Variants in WDR55 observed in about 807,000 individuals in gnomAD.
WDR55 encodes WD repeat domain 55.
WDR55 carries 31 observed loss-of-function variants against 34.0 expected under a neutral mutation model. That is an observed-to-expected ratio of 0.91 (90% CI 0.69 to 1.23). The LOEUF is 1.23. Among genes scored for constraint, WDR55 ranks in the 50% most tolerant of loss-of-function variants. WDR55 has a pLI of 0.00. For synonymous variants in WDR55, 164 were observed against 185.9 expected (o/e 0.88, Z 0.96); for missense variants, 440 against 494.6 (o/e 0.89, Z 1.05).
chr5:140,671,413 C>T lies in WDR55; in HGVS notation c.*1759C>T. 6.2e-7 allele frequency: 1 copy of T among 1,612,320 alleles called. No homozygotes were observed. The highest frequency in any genetic ancestry group is 1.3e-5 in the African/African-American group (1 of 75,026). On this transcript the variant is annotated 3_prime_UTR_variant, in exon 7 of 7. Coordinates refer to ENST00000358337, the MANE Select transcript of WDR55 (RefSeq NM_017706.5). ...CATCCTTGGCCACCTCATGCCCATC[C>T]CGGCCATCTAGGGTCAGCACAACCC...
chr5:140,669,507 C>T lies in WDR55; in HGVS notation c.1005C>T (p.Tyr335=). The T allele has an allele frequency of 6.2e-7, 1 of 1,614,050 alleles. No individual in the cohort carries two copies. The highest frequency in any genetic ancestry group is 1.1e-5 in the South Asian group (1 of 91,072). Residue 335 remains tyrosine, a synonymous_variant, in exon 7 of 7, where the codon TAC becomes TAT. Transcript: ENST00000358337. The stretch of plus-strand genomic sequence containing the variant: ...TGCGAGCTGTGGTGGTGGATGACTA[C>T]CGTCGGCGCAAAAAAAAGGGAGGAC... ...AQLRAVVVDD[Y]RRRKKKGGPL... is the part of the protein sequence containing the mutation.
Position 140,668,346 on chromosome 5 carries a change from G to A in WDR55, c.292+12G>A. Reference sequence around the variant, plus strand: ...TGAAGATGGGCAGAGTGAGTACTGGGGAAGACAACCAGCAATGTGGTGGAA... The same window carrying A: ...TGAAGATGGGCAGAGTGAGTACTGGAGAAGACAACCAGCAATGTGGTGGAA... On this transcript the variant is annotated intron_variant, in intron 2 of 6. Coordinates refer to ENST00000358337, the MANE Select transcript of WDR55 (RefSeq NM_017706.5). 6.2e-7 allele frequency: 1 copy of A among 1,614,218 alleles called. No individual in the cohort carries two copies.
chr5:140,665,239 C>CT (rs1757890792), intron 1 of WDR55, 136 bp downstream of exon 1: 1 of 730,202 alleles, frequency 1.4e-6, no homozygotes, highest in African/African-American at 1.8e-5. Context: ...CAGTAACATT[C>CT]GGCTCTTCTA....
In WDR55 at chr5:140,669,006, G is replaced by A. The variant is rs772018479; in HGVS notation, c.660+16G>A. ...TCTCATGAAAGTACAGCTGGTTATGGTGGGATGGAGGGGTGTGTGCTGGGG... is the reference window on the plus strand; with the variant it reads ...TCTCATGAAAGTACAGCTGGTTATGATGGGATGGAGGGGTGTGTGCTGGGG... On this transcript the variant is annotated intron_variant, in intron 5 of 6. Transcript: ENST00000358337. 7 of 1,614,206 alleles carry A rather than the reference G, an allele frequency of 4.3e-6. No homozygotes were observed. The highest frequency in any genetic ancestry group is 5.9e-6 in the Non-Finnish European group (7 of 1,180,028).
chr5:140,671,886 A>T lies in WDR55; in HGVS notation c.*2232A>T. 1 of 967,840 alleles carries T rather than the reference A, an allele frequency of 1.0e-6. No individual in the cohort carries two copies. Among genetic ancestry groups the T allele is most frequent in the South Asian group, 1.4e-5 (1 of 70,664 alleles). The allele number at this position is 967,840 out of a possible 1,614,324, so 60.0% of individuals were successfully genotyped here. The stretch of plus-strand genomic sequence containing the variant: ...TGGTAGTGTGACCATGGGTAAGAAA[A>T]GACAATGAAGCCTTCAGCCTCCATT... On this transcript the variant is annotated 3_prime_UTR_variant, in exon 7 of 7. Transcript: ENST00000358337.
rs991868205 is a variant in WDR55, at chr5:140,666,598, T to TA, written c.191+1497dup. On this transcript the variant is annotated intron_variant, in intron 1 of 6. Transcript: ENST00000358337. ...CTTTCCCTTAATAATGAATGGTTGG[T>TA]AACCATATGTCCATTTGTGTAATTA... 8 of 985,014 alleles carry TA rather than the reference T, an allele frequency of 8.1e-6. No individual in the cohort carries two copies. In the African/African-American group the frequency reaches 1.0e-4, roughly 13 times the overall value. The allele number at this position is 985,014 out of a possible 1,614,324, so 61.0% of individuals were successfully genotyped here. A position where few individuals can be genotyped will look rare whatever the true frequency, so the allele number is the denominator to read the frequency against.
chr5:140,668,169 G>C, intron 1 of WDR55, 65 bp from the exon 2 acceptor site: 1 of 1,510,476 alleles, frequency 6.6e-7, no homozygotes, highest in Non-Finnish European at 8.9e-7. Flanking sequence ...TGTCTAGTTG[G>C]TCTCTGCACT....
Position 140,669,234 on chromosome 5 carries a change from T to G in WDR55, c.816T>G (p.Thr272=). The G allele has an allele frequency of 1.9e-6, 3 of 1,613,502 alleles. No individual in the cohort carries two copies. Among genetic ancestry groups the G allele is most frequent in the Non-Finnish European group, 2.5e-6 (3 of 1,179,992 alleles). ...AGAGTCTGCTGTGTACTGGCTCCACTGATGGAGTCATCAGGTGAGGGAAGC... is the reference window on the plus strand; with the variant it reads ...AGAGTCTGCTGTGTACTGGCTCCACGGATGGAGTCATCAGGTGAGGGAAGC... ...VTESLLCTGS[T]DGVIRAVNIL... Residue 272 remains threonine, a synonymous_variant, in exon 6 of 7, where the codon ACT becomes ACG. Coordinates refer to ENST00000358337, the MANE Select transcript of WDR55 (RefSeq NM_017706.5).
Position 140,668,741 on chromosome 5 carries a change from C to T in WDR55, c.510C>T (p.Tyr170=). 6.2e-7 allele frequency: 1 copy of T among 1,614,178 alleles called. No individual in the cohort carries two copies. Among genetic ancestry groups the T allele is most frequent in the Non-Finnish European group, 8.5e-7 (1 of 1,180,030 alleles). The change falls in exon 4 of 7, where the codon TAC becomes TAT. Residue 170 remains tyrosine (Y), a synonymous_variant. Coordinates refer to ENST00000358337, the MANE Select transcript of WDR55 (RefSeq NM_017706.5). ...TGGATATGAGGCAACATGAAGAGTA[C>T]ATCGCAGACATGGCTCTGGATCCAG... ...PLMDMRQHEE[Y]IADMALDPAK...
rs1163450026 is a variant in WDR55, at chr5:140,670,647, C to G, written c.*993C>G. 2 of 153,980 alleles carry G rather than the reference C, an allele frequency of 1.3e-5. No individual in the cohort carries two copies. Among genetic ancestry groups the G allele is most frequent in the Non-Finnish European group, 2.9e-5 (2 of 69,318 alleles). The allele number at this position is 153,980 out of a possible 1,614,324, so 9.5% of individuals were successfully genotyped here. On this transcript the variant is annotated 3_prime_UTR_variant, in exon 7 of 7. Coordinates refer to ENST00000358337, the MANE Select transcript of WDR55 (RefSeq NM_017706.5). ...TACAGGCAAAAGCCAACACACCCGG[C>G]CTGGATATGAATTTATAATACCCTA...
chr5:140,668,348 A>G lies in WDR55; in HGVS notation c.292+14A>G, dbSNP rs1276988528. The G allele has an allele frequency of 1.9e-6, 3 of 1,614,060 alleles. No individual in the cohort carries two copies. The highest frequency in any genetic ancestry group is 2.5e-6 in the Non-Finnish European group (3 of 1,180,034). On this transcript the variant is annotated intron_variant, in intron 2 of 6. Coordinates refer to ENST00000358337, the MANE Select transcript of WDR55 (RefSeq NM_017706.5). ...AAGATGGGCAGAGTGAGTACTGGGG[A>G]AGACAACCAGCAATGTGGTGGAAGG...
intron 1 of WDR55, 114 bp from the exon 2 acceptor site, chr5:140,668,120 G>GT: frequency 8.0e-7 from 1 of 1,252,878 alleles, no homozygotes; most frequent in Non-Finnish European, 1.1e-6. Flanking sequence ...GCTTAGAGGT[G>GT]TAGAAGCAGG....
Position 140,671,340 on chromosome 5 carries a change from G to A in WDR55, c.*1686G>A, listed in dbSNP as rs747762188. ...GCCTCAGCCCCAGCAGACCACAGGA[G>A]GTTGGCCCCAGACTCACTGAGTGCC... On this transcript the variant is annotated 3_prime_UTR_variant, in exon 7 of 7. Transcript: ENST00000358337. 38 of 1,612,758 alleles carry A rather than the reference G, an allele frequency of 2.4e-5. No homozygotes were observed. The highest frequency in any genetic ancestry group is 3.3e-4 in the Middle Eastern group (2 of 5,978).
In WDR55 at chr5:140,671,866, G is replaced by GT. The variant is rs1471530463; in HGVS notation, c.*2213dup. 19 of 1,162,204 alleles carry GT rather than the reference G, an allele frequency of 1.6e-5. No homozygotes were observed. The highest frequency in any genetic ancestry group is 2.4e-5 in the Non-Finnish European group (19 of 796,324). The allele number at this position is 1,162,204 out of a possible 1,614,324, so 72.0% of individuals were successfully genotyped here. On this transcript the variant is annotated 3_prime_UTR_variant, in exon 7 of 7. Transcript: ENST00000358337. ...TTTGTAGCCTTCCCATTTCCTGGTA[G>GT]TGTGACCATGGGTAAGAAAAGACAA...
At chr5:140,667,207 G>A (rs1757946043) in intron 1 of WDR55, 1 of 950,278 alleles carries the variant, frequency 1.1e-6, no homozygotes, top group East Asian at 1.2e-4. Flanking sequence ...ACACAACTTT[G>A]TTGCTTCCCT....
In WDR55 at chr5:140,665,018, G is replaced by C. The variant is rs1165423972; in HGVS notation, c.106G>C (p.Val36Leu). ...TRIRDTPEDI[V>L]LEAPASGLAF... ...GATCCGGGACACTCCGGAAGACATCGTGCTGGAAGCTCCGGCTAGTGGGCT... is the reference window on the plus strand; with the variant it reads ...GATCCGGGACACTCCGGAAGACATCCTGCTGGAAGCTCCGGCTAGTGGGCT... The change falls in exon 1 of 7, where the codon GTG becomes CTG. Residue 36 changes from valine to leucine, a missense_variant. Physicochemically the swap from Val to Leu is conservative, Grantham distance 32 (BLOSUM62 1). Coordinates refer to ENST00000358337, the MANE Select transcript of WDR55 (RefSeq NM_017706.5). The C allele has an allele frequency of 6.2e-7, 1 of 1,614,004 alleles. No homozygotes were observed. Among genetic ancestry groups the C allele is most frequent in the Non-Finnish European group, 8.5e-7 (1 of 1,179,926 alleles).
chr5:140,666,396 C>CA (rs929975657), intron 1 of WDR55, among the ~76,000 whole-genome samples: 209 of 151,670 alleles, frequency 1.4e-3, no homozygotes, highest in African/African-American at 4.3e-3. Flanking sequence ...AACTCCATCT[C>CA]AAAAAAAAAT....
Position 140,669,827 on chromosome 5 carries a change from C to T in WDR55, c.*173C>T, listed in dbSNP as rs575039717. ...ACTGCAGCCTCAATGTCCCCAGGCT[C>T]AGATTGTCCTTCCACCTTAGCCTCT... On this transcript the variant is annotated 3_prime_UTR_variant, in exon 7 of 7. Coordinates refer to ENST00000358337, the MANE Select transcript of WDR55 (RefSeq NM_017706.5). The T allele has an allele frequency of 4.1e-5, 27 of 663,744 alleles. No individual in the cohort carries two copies. The highest frequency in any genetic ancestry group is 4.0e-4 in the African/African-American group (22 of 54,634). The allele number at this position is 663,744 out of a possible 1,614,324, so 41.1% of individuals were successfully genotyped here. A position where few individuals can be genotyped will look rare whatever the true frequency, so the allele number is the denominator to read the frequency against.
Position 140,668,481 on chromosome 5 carries a change from G to A in WDR55, c.359G>A (p.Arg120Lys). 6.2e-7 allele frequency: 1 copy of A among 1,614,196 alleles called. No homozygotes were observed. The highest frequency in any genetic ancestry group is 8.5e-7 in the Non-Finnish European group (1 of 1,180,030). The change falls in exon 3 of 7, where the codon AGA (arginine) becomes AAA (lysine). Residue 120 changes from arginine (R) to lysine (K), a missense_variant. Coordinates refer to ENST00000358337, the MANE Select transcript of WDR55 (RefSeq NM_017706.5). ...VLDVEQGQLE[R>K]RVSKAHGAPI... Reference sequence around the variant, plus strand: ...GATGTGGAGCAGGGCCAACTGGAAAGACGTGTTTCCAAGGCTCATGGGTAA... The same window carrying A: ...GATGTGGAGCAGGGCCAACTGGAAAAACGTGTTTCCAAGGCTCATGGGTAA...
Sources: gnomAD v4.1 joint callset for allele counts (sites outside exome capture counted in the v4.1 genomes callset) on GRCh38, gnomAD v4.1.1 for gene constraint, MANE v1.5 for transcripts, NCBI Gene and HGNC (gene_info 2026-07-23, HGNC 2026-07-21) for gene names.